Variants in TENM2 observed in about 807,000 individuals in gnomAD.
TENM2 encodes the protein teneurin transmembrane protein 2.
In TENM2, 52 loss-of-function variants were observed where a neutral mutation model predicts 245.2. The observed-to-expected ratio is 0.21, with a 90% CI of 0.17 to 0.27. The LOEUF is 0.27. Among genes scored for constraint, TENM2 ranks in the 10% least tolerant of loss-of-function variants. The probability of loss-of-function intolerance (pLI) is 1.00; values close to 1 mark genes in which losing one functional copy is unlikely to be tolerated. For synonymous variants in TENM2, 1,363 were observed against 1,438.9 expected (o/e 0.95, Z 1.19); for missense variants, 3,046 against 3,666.8 (o/e 0.83, Z 4.37).
intron 1 of TENM2, among the ~76,000 whole-genome samples, chr5:167,292,283 G>T (rs1754684910): frequency 6.6e-6 from 1 of 152,100 alleles, no homozygotes; most frequent in Non-Finnish European, 1.5e-5. Context: ...TATCCAAGTG[G>T]GAAATTTAAT....
At chr5:167,759,039 C>T (rs573698198) in intron 2 of TENM2, among the ~76,000 whole-genome samples, 7 of 150,976 alleles carry the variant, frequency 4.6e-5, no homozygotes, top group African/African-American at 1.7e-4. Context: ...ATAACAGTAG[C>T]ATGCAGTGGT....
At chr5:167,250,640 G>A in the TENM2 span, among the ~76,000 whole-genome samples, 1 of 152,108 alleles carries the variant, frequency 6.6e-6, no homozygotes, top group Non-Finnish European at 1.5e-5. Context: ...GCTCTCTGAT[G>A]TTATATATGA....
At chr5:168,096,706 C>T (rs1349804356) in intron 8 of TENM2, among the ~76,000 whole-genome samples, 6 of 152,204 alleles carry the variant, frequency 3.9e-5, no homozygotes, top group African/African-American at 1.4e-4. Context: ...AATTAGACTT[C>T]ACAGCCTTTC....
chr5:167,632,265 G>C (rs1485211530), intron 2 of TENM2, among the ~76,000 whole-genome samples: 1 of 152,190 alleles, frequency 6.6e-6, no homozygotes, highest in African/African-American at 2.4e-5. Flanking sequence ...GGCCATGATA[G>C]TGTCTATGGA....
In TENM2 at chr5:167,547,045, CT is replaced by C. The variant is rs548106646; in HGVS notation, c.502+171579del. Among the ~76,000 whole-genome samples the C allele has an allele frequency of 2.0e-5, 3 of 152,234 alleles. No homozygotes were observed. The East Asian group carries it at 5.8e-4, about 29-fold the overall frequency. ...CAGTGCGACTTAAACTTGAAGTCCA[CT>C]TTTTTTGATAGACCAGCATCTGTCT... On this transcript the variant is annotated intron_variant, in intron 2 of 28. Coordinates refer to ENST00000518659, the Ensembl canonical transcript of TENM2.
chr5:168,195,432 T>C (rs1761327397), intron 15 of TENM2, 137 bp downstream of exon 17: 13 of 1,013,936 alleles, frequency 1.3e-5, no homozygotes, highest in Non-Finnish European at 1.7e-5. Flanking sequence ...CTAGTGAGGA[T>C]TCCCCCAAAG....
chr5:168,022,604 G>A (rs1187683426), intron 5 of TENM2, among the ~76,000 whole-genome samples: 5 of 152,260 alleles, frequency 3.3e-5, no homozygotes, highest in Admixed American at 6.5e-5. Flanking sequence ...TGCCAAGCAT[G>A]AGTGTTGCAG....
intron 2 of TENM2, among the ~76,000 whole-genome samples, chr5:167,828,924 G>T (rs983998025): frequency 3.9e-5 from 6 of 152,284 alleles, no homozygotes; most frequent in African/African-American, 1.4e-4. Flanking sequence ...TTAAGACAGG[G>T]TTCTCTGGCT....
chr5:167,659,085 G>T (rs1482515450), intron 2 of TENM2, among the ~76,000 whole-genome samples: 1 of 152,172 alleles, frequency 6.6e-6, no homozygotes, highest in African/African-American at 2.4e-5. Context: ...CCCACAGAAT[G>T]TATTTCCAAC....
intron 2 of TENM2, among the ~76,000 whole-genome samples, chr5:167,764,279 T>G (rs1383403356): frequency 6.6e-6 from 1 of 152,144 alleles, no homozygotes; most frequent in East Asian, 1.9e-4. Context: ...TCAGTGACCC[T>G]CCCTTTCCCC....
chr5:167,832,372 G>A (rs556926309), intron 2 of TENM2, among the ~76,000 whole-genome samples: 2 of 152,334 alleles, frequency 1.3e-5, no homozygotes, highest in African/African-American at 2.4e-5. Flanking sequence ...AGGCCCACAC[G>A]CTTGTCTGTG....
At chr5:167,844,330 A>C (rs892041248) in intron 2 of TENM2, among the ~76,000 whole-genome samples, 1 of 152,266 alleles carries the variant, frequency 6.6e-6, no homozygotes, top group African/African-American at 2.4e-5. Context: ...AATCAGCACC[A>C]AATGTTTCAC....
intron 2 of TENM2, among the ~76,000 whole-genome samples, chr5:167,831,477 G>C (rs1768481347): frequency 7.9e-6 from 1 of 127,002 alleles, no homozygotes; most frequent in Admixed American, 9.6e-5. Flanking sequence ...CTGCAAAAGA[G>C]TTCAGCACTT....
chr5:167,969,181 A>T (rs1213362074), intron 4 of TENM2, among the ~76,000 whole-genome samples: 1 of 152,178 alleles, frequency 6.6e-6, no homozygotes, highest in Non-Finnish European at 1.5e-5. Flanking sequence ...CCCAAATCTC[A>T]TCTTGAATTG....
At chr5:167,446,524 T>C (rs1279358342) in intron 2 of TENM2, among the ~76,000 whole-genome samples, 1 of 152,220 alleles carries the variant, frequency 6.6e-6, no homozygotes, top group African/African-American at 2.4e-5. Context: ...ATATGTGACT[T>C]GGAACTGATC....
chr5:168,187,777 C>T (rs1760604905), intron 13 of TENM2: 1 of 152,112 alleles, frequency 6.6e-6, no homozygotes, highest in Non-Finnish European at 1.5e-5. Context: ...TGGATATCAT[C>T]CTGCTACTAA....
At chr5:167,741,575 G>T (rs61165988) in intron 2 of TENM2, among the ~76,000 whole-genome samples, 54,790 of 151,958 alleles carry the variant, frequency 0.36, 11,480 homozygotes, top group African/African-American at 0.57. Context: ...CAGATCTACA[G>T]GTCCGGGAAT....
intron 2 of TENM2, among the ~76,000 whole-genome samples, chr5:167,628,158 T>C (rs1301318425): frequency 6.6e-6 from 1 of 152,192 alleles, no homozygotes. Flanking sequence ...GCATTTATCT[T>C]CCAGTTCTTA....
intron 4 of TENM2, among the ~76,000 whole-genome samples, chr5:167,982,209 A>C (rs1189710375): frequency 6.6e-6 from 1 of 152,036 alleles, no homozygotes; most frequent in Non-Finnish European, 1.5e-5. Flanking sequence ...TCTTATCCTC[A>C]GACTTCTCCT....
Sources: allele counts gnomAD v4.1 joint callset (sites outside exome capture counted in the v4.1 genomes callset), GRCh38; gene constraint gnomAD v4.1.1; transcripts MANE v1.5; gene names NCBI Gene and HGNC (gene_info 2026-07-23, HGNC 2026-07-21).